The following RETREG1 variants were observed in gnomAD, a reference collection of about 807,000 sequenced individuals.
RETREG1 encodes the protein reticulophagy regulator 1, also known as family with sequence similarity 134 member B.
RETREG1 carries 44 observed loss-of-function variants against 54.8 expected under a neutral mutation model. The ratio of observed to expected loss-of-function variants is 0.80; its 90% CI spans 0.63 to 1.03. The LOEUF (loss-of-function observed/expected upper bound fraction) is 1.03, where lower values mean the gene tolerates loss of function less well. Ranked by LOEUF, RETREG1 falls within the 50% of genes least tolerant of loss-of-function variation. The pLI is 0.00. For synonymous variants in RETREG1, 217 were observed against 238.5 expected, an observed-to-expected ratio of 0.91 and a Z score of 0.83; for missense variants, 554 against 605.1, an observed-to-expected ratio of 0.92 and a Z score of 0.89.
intron 2 of RETREG1, among the ~76,000 whole-genome samples, chr5:16,567,855 G>A (rs918095218): frequency 6.6e-6 from 1 of 152,124 alleles, no homozygotes; most frequent in Non-Finnish European, 1.5e-5. Context: ...TAGCCACTCA[G>A]GAGTCTGAGG....
intron 3 of RETREG1, chr5:16,508,874 A>G (rs1199346063): frequency 3.5e-5 from 47 of 1,359,244 alleles, no homozygotes; most frequent in Non-Finnish European, 7.6e-6. Flanking sequence ...CTAAAAATAA[A>G]TAGGTCACCT....
chr5:16,592,417 C>A (rs924922649), intron 1 of RETREG1, among the ~76,000 whole-genome samples: 1 of 152,124 alleles, frequency 6.6e-6, no homozygotes, highest in Non-Finnish European at 1.5e-5. Context: ...CTGGCACGAT[C>A]GCAGAGAAAA....
At position 16,561,878 on chromosome 5, in the gene RETREG1, G is replaced by A. The variant is rs1240839558; in HGVS notation, c.458+3885C>T. On this transcript the variant is annotated intron_variant, in intron 3 of 8. Coordinates refer to ENST00000306320, the MANE Select transcript of RETREG1 (RefSeq NM_001034850.3). The surrounding 1 kb of genome is among the most constrained non-coding windows in gnomAD (Gnocchi z 4.2). ...AAACTGAGTCTCAGTAAATCTGAAAGAACCCTGAGTCAAAGAGCATGGAGT... is the reference window on the plus strand; with the variant it reads ...AAACTGAGTCTCAGTAAATCTGAAAAAACCCTGAGTCAAAGAGCATGGAGT... 6.6e-6 allele frequency among the ~76,000 whole-genome samples: 1 copy of A among 152,222 alleles called. No homozygotes were observed. Among genetic ancestry groups the A allele is most frequent in the African/African-American group, 2.4e-5 (1 of 41,460 alleles).
At chr5:16,590,946 C>T (rs893142782) in intron 1 of RETREG1, among the ~76,000 whole-genome samples, 2 of 152,012 alleles carry the variant, frequency 1.3e-5, no homozygotes, top group Non-Finnish European at 2.9e-5. Context: ...CACACACGCA[C>T]ATGCAAACAC....
At chr5:16,563,999 A>G (rs1205319904) in intron 3 of RETREG1, among the ~76,000 whole-genome samples, 1 of 152,208 alleles carries the variant, frequency 6.6e-6, no homozygotes, top group Non-Finnish European at 1.5e-5. Context: ...TATGAATACA[A>G]ACTTTTTTGT....
chr5:16,579,388 C>T (rs543955289), intron 1 of RETREG1, among the ~76,000 whole-genome samples: 1 of 152,348 alleles, frequency 6.6e-6, no homozygotes, highest in East Asian at 1.9e-4. Flanking sequence ...TTCTGCTAAA[C>T]GGCTGCTGGA....
chr5:16,518,160 T>C (rs1740418943), intron 3 of RETREG1, among the ~76,000 whole-genome samples: 1 of 148,182 alleles, frequency 6.7e-6, no homozygotes. Flanking sequence ...TATGTATTTA[T>C]ATATAATCAA....
At chr5:16,592,963 G>A (rs13183614) in intron 1 of RETREG1, among the ~76,000 whole-genome samples, 36,195 of 152,090 alleles carry the variant, frequency 0.24, 5,156 homozygotes, top group Non-Finnish European at 0.32. Flanking sequence ...GTACCTGGGT[G>A]ATGAAATAAT....
intron 1 of RETREG1, among the ~76,000 whole-genome samples, chr5:16,613,005 T>C (rs1487133304): frequency 6.6e-6 from 1 of 152,224 alleles, no homozygotes; most frequent in Non-Finnish European, 1.5e-5. Context: ...TAAAGCTGTA[T>C]TTTCATTGTT....
At chr5:16,613,391 A>G (rs1332573983) in intron 1 of RETREG1, among the ~76,000 whole-genome samples, 1 of 152,234 alleles carries the variant, frequency 6.6e-6, no homozygotes, top group African/African-American at 2.4e-5. Flanking sequence ...CTCCTTATTA[A>G]GAACCCCACA....
intron 3 of RETREG1, among the ~76,000 whole-genome samples, chr5:16,492,229 T>TCTCACACACA (rs1406702350): frequency 3.6e-5 from 4 of 110,642 alleles, no homozygotes; most frequent in African/African-American, 1.2e-4. Context: ...TCTCTCTCTC[T>TCTCACACACA]CACACACACA....
intron 1 of RETREG1, among the ~76,000 whole-genome samples, chr5:16,575,935 T>A (rs1331738477): frequency 6.6e-6 from 1 of 152,138 alleles, no homozygotes; most frequent in Non-Finnish European, 1.5e-5. Flanking sequence ...CTTCAAAATA[T>A]GTAGCTGAGT....
At chr5:16,500,804 A>G (rs955492409) in intron 3 of RETREG1, among the ~76,000 whole-genome samples, 9 of 152,150 alleles carry the variant, frequency 5.9e-5, no homozygotes, top group African/African-American at 2.4e-5. Context: ...GGGTCAAAAC[A>G]AGCTGAACAA....
chr5:16,533,011 A>G (rs1049901802), intron 3 of RETREG1, among the ~76,000 whole-genome samples: 5 of 152,190 alleles, frequency 3.3e-5, no homozygotes, highest in Non-Finnish European at 7.3e-5. Context: ...TGGAATTTGC[A>G]AAGGACTAAA....
intron 3 of RETREG1, among the ~76,000 whole-genome samples, chr5:16,488,746 A>C (rs962731523): frequency 6.6e-6 from 1 of 152,188 alleles, no homozygotes; most frequent in Non-Finnish European, 1.5e-5. Flanking sequence ...AGCAGAGAAT[A>C]ATCAGTCCTA....
chr5:16,559,065 C>A (rs1392205343), intron 3 of RETREG1, among the ~76,000 whole-genome samples: 1 of 152,140 alleles, frequency 6.6e-6, no homozygotes, highest in African/African-American at 2.4e-5. Context: ...GGGTGAACAC[C>A]AAGGACTTGG....
At chr5:16,492,916 G>T (rs893702170) in intron 3 of RETREG1, among the ~76,000 whole-genome samples, 1 of 152,058 alleles carries the variant, frequency 6.6e-6, no homozygotes, top group Non-Finnish European at 1.5e-5. Flanking sequence ...AAATTACATC[G>T]CACTCAACTT....
intron 6 of RETREG1, 53 bp from the exon 7 acceptor site, chr5:16,478,151 G>A: frequency 8.7e-7 from 1 of 1,149,266 alleles, no homozygotes; most frequent in Non-Finnish European, 1.3e-6. Context: ...CTCAGACATA[G>A]TGCATTTATT....
intron 3 of RETREG1, among the ~76,000 whole-genome samples, chr5:16,556,542 A>C (rs1741713991): frequency 6.6e-6 from 1 of 152,164 alleles, no homozygotes; most frequent in South Asian, 2.1e-4. Flanking sequence ...ACTTAAAGGA[A>C]TGTCAAAAAC....
Sources: gnomAD v4.1 joint callset for allele counts (sites outside exome capture counted in the v4.1 genomes callset) on GRCh38, gnomAD v4.1.1 for gene constraint, Gnocchi (gnomAD v3.1) non-coding constraint, MANE v1.5 for transcripts, NCBI Gene and HGNC (gene_info 2026-07-23, HGNC 2026-07-21) for gene names.